Variants in ELAVL2 observed in about 807,000 individuals in gnomAD.
ELAVL2 encodes ELAV-like protein 2.
ELAVL2 carries 4 observed loss-of-function variants against 34.6 expected under a neutral mutation model. The observed-to-expected ratio is 0.12, with a 90% CI of 0.06 to 0.26. The LOEUF is 0.26. Among genes scored for constraint, ELAVL2 ranks in the 10% least tolerant of loss-of-function variants. The pLI, the probability that ELAVL2 is intolerant of heterozygous loss-of-function variation, is 1.00. For missense variants in ELAVL2, 432 were observed against 442.8 expected (o/e 0.98, Z 0.22); for synonymous variants, 193 against 154.8 (o/e 1.25, Z -1.83).
At chr9:23,706,513 T>C (rs2039374498) in intron 3 of ELAVL2, among the ~76,000 whole-genome samples, 1 of 152,164 alleles carries the variant, frequency 6.6e-6, no homozygotes. Flanking sequence ...CTATAACCTA[T>C]CTTTGCCAAC....
chr9:23,720,583 C>T (rs867971157), intron 3 of ELAVL2, among the ~76,000 whole-genome samples: 12 of 152,156 alleles, frequency 7.9e-5, no homozygotes, highest in African/African-American at 2.9e-4. Flanking sequence ...TTTAATGACA[C>T]ACAAATGCCC....
At chr9:23,822,486 T>C (rs1230137262) in intron 1 of ELAVL2, among the ~76,000 whole-genome samples, 1 of 152,078 alleles carries the variant, frequency 6.6e-6, no homozygotes, top group Non-Finnish European at 1.5e-5. Context: ...AATGGCCAAC[T>C]CTTCACCGAG....
chr9:23,833,365 T>A, the ELAVL2 span, among the ~76,000 whole-genome samples: 1 of 152,024 alleles, frequency 6.6e-6, no homozygotes, highest in African/African-American at 2.4e-5. Flanking sequence ...CTATGATTTT[T>A]ATTTTTTTCT....
chr9:23,754,865 C>G (rs937972119), intron 2 of ELAVL2, among the ~76,000 whole-genome samples: 2 of 152,058 alleles, frequency 1.3e-5, no homozygotes, highest in Non-Finnish European at 2.9e-5. Flanking sequence ...TATAAATTTC[C>G]CATGGGAAGA....
At chr9:23,749,015 G>C (rs149772638) in intron 2 of ELAVL2, among the ~76,000 whole-genome samples, 1 of 152,062 alleles carries the variant, frequency 6.6e-6, no homozygotes. Flanking sequence ...GATGGTTACA[G>C]AGTTTCTATC....
intron 1 of ELAVL2, among the ~76,000 whole-genome samples, chr9:23,818,270 T>C (rs2064006535): frequency 1.3e-5 from 2 of 152,098 alleles, no homozygotes; most frequent in African/African-American, 4.8e-5. Context: ...AAAGCAGCAA[T>C]ACTGACAGCT....
intron 1 of ELAVL2, among the ~76,000 whole-genome samples, chr9:23,814,615 G>C (rs1460442191): frequency 1.3e-5 from 2 of 152,142 alleles, no homozygotes; most frequent in African/African-American, 4.8e-5. Flanking sequence ...TCAGTAAATA[G>C]CACCTGGGGA....
At chr9:23,719,808 A>G (rs2043197714) in intron 3 of ELAVL2, among the ~76,000 whole-genome samples, 2 of 150,134 alleles carry the variant, frequency 1.3e-5, no homozygotes, top group Admixed American at 1.4e-4. Context: ...AATTTTTATT[A>G]AATTTTAAAA....
intron 1 of ELAVL2, among the ~76,000 whole-genome samples, chr9:23,792,734 ATC>A (rs1306729821): frequency 1.3e-5 from 2 of 152,024 alleles, no homozygotes; most frequent in Non-Finnish European, 2.9e-5. Flanking sequence ...CATCCTCTGA[ATC>A]TGTTGCATTA....
chr9:23,775,241 T>C (rs1403605666), intron 1 of ELAVL2, among the ~76,000 whole-genome samples: 1 of 152,146 alleles, frequency 6.6e-6, no homozygotes, highest in Non-Finnish European at 1.5e-5. Flanking sequence ...GCTAGATATT[T>C]ACAAACAAAA....
At chr9:23,698,506 A>G (rs2036045776) in intron 5 of ELAVL2, among the ~76,000 whole-genome samples, 1 of 152,218 alleles carries the variant, frequency 6.6e-6, no homozygotes, top group African/African-American at 2.4e-5. Flanking sequence ...ACCATAATAC[A>G]TATAACTTAT....
chr9:23,720,519 C>T (rs1000934900), intron 3 of ELAVL2, among the ~76,000 whole-genome samples: 1 of 152,072 alleles, frequency 6.6e-6, no homozygotes, highest in African/African-American at 2.4e-5. Flanking sequence ...GAAAATTCTC[C>T]AAATACCCTC....
At chr9:23,798,892 TATAG>T (rs2061273391) in intron 1 of ELAVL2, among the ~76,000 whole-genome samples, 1 of 152,338 alleles carries the variant, frequency 6.6e-6, no homozygotes, top group East Asian at 1.9e-4. Flanking sequence ...ATCTGTTTTT[TATAG>T]ATAGATATAA....
chr9:23,832,203 A>C, the ELAVL2 span: 1 of 152,132 alleles, frequency 6.6e-6, no homozygotes, highest in East Asian at 1.9e-4. Context: ...CACGGGAGAG[A>C]TTCCAGAATG....
At chr9:23,763,989 T>C (rs910596632) in intron 1 of ELAVL2, among the ~76,000 whole-genome samples, 5 of 152,166 alleles carry the variant, frequency 3.3e-5, no homozygotes, top group African/African-American at 9.6e-5. Flanking sequence ...ATTCAAGATA[T>C]GGGTTTTATT....
intron 1 of ELAVL2, among the ~76,000 whole-genome samples, chr9:23,797,948 G>GA (rs2061155537): frequency 1.3e-5 from 2 of 150,746 alleles, no homozygotes; most frequent in African/African-American, 4.9e-5. Context: ...AAAAAGAAAA[G>GA]AAAAGAAAAA....
intron 1 of ELAVL2, among the ~76,000 whole-genome samples, chr9:23,769,497 C>T (rs2056922457): frequency 1.3e-5 from 2 of 152,162 alleles, no homozygotes; most frequent in African/African-American, 4.8e-5. Flanking sequence ...ACAAGGCTAA[C>T]AATGTCAGTT....
At chr9:23,708,970 G>C (rs2040184676) in intron 3 of ELAVL2, among the ~76,000 whole-genome samples, 1 of 152,096 alleles carries the variant, frequency 6.6e-6, no homozygotes, top group Non-Finnish European at 1.5e-5. Context: ...TTTTTTCTAA[G>C]AAAAGAGAAG....
chr9:23,755,352 A>G (rs1048465975), intron 2 of ELAVL2, among the ~76,000 whole-genome samples: 3 of 152,190 alleles, frequency 2.0e-5, no homozygotes, highest in African/African-American at 7.2e-5. Context: ...TTGTTCTATA[A>G]AAATACCCAG....
Sources: gnomAD v4.1 joint callset for allele counts (sites outside exome capture counted in the v4.1 genomes callset) on GRCh38, gnomAD v4.1.1 for gene constraint, MANE v1.5 for transcripts, NCBI Gene and HGNC (gene_info 2026-07-23, HGNC 2026-07-21) for gene names.